TRAPPC9: variants seen among roughly 807,000 people sequenced by gnomAD.
TRAPPC9 encodes the protein trafficking protein particle complex subunit 9.
In TRAPPC9, 83 loss-of-function variants were observed where a neutral mutation model predicts 124.0. That is an observed-to-expected ratio of 0.67 (90% CI 0.56 to 0.80). The LOEUF (loss-of-function observed/expected upper bound fraction) is 0.80, where lower values mean the gene tolerates loss of function less well. TRAPPC9 is among the 30% of genes least tolerant of loss of function. TRAPPC9 has a pLI of 0.00. For missense variants in TRAPPC9, 1,302 were observed against 1,508.3 expected, an observed-to-expected ratio of 0.86 and a Z score of 2.27; for synonymous variants, 638 against 617.5, an observed-to-expected ratio of 1.03 and a Z score of -0.49.
At chr8:140,207,948 T>C (rs1293408711) in intron 17 of TRAPPC9, among the ~76,000 whole-genome samples, 1 of 152,048 alleles carries the variant, frequency 6.6e-6, no homozygotes, top group Admixed American at 6.5e-5. Flanking sequence ...GGTCAGGAGT[T>C]TGAGACCATC....
chr8:140,457,666 G>T lies in TRAPPC9; in HGVS notation c.-38C>A, dbSNP rs989976840. On this transcript the variant is annotated 5_prime_UTR_variant, in exon 1 of 23. Transcript: ENST00000438773. ...AGCCGGTGGCCCCGGGCCCGGAGCG[G>T]GAGCCCACGACCTGGCGGGCAGCGG... 3.0e-6 allele frequency: 3 copies of T among 986,508 alleles called. No individual in the cohort carries two copies. The highest frequency in any genetic ancestry group is 4.7e-5 in the South Asian group (1 of 21,480). 61.1% of individuals were successfully genotyped at this position (986,508 alleles called of 1,614,324 possible).
At chr8:140,292,694 C>T (rs62527547) in intron 11 of TRAPPC9, among the ~76,000 whole-genome samples, 6 of 151,506 alleles carry the variant, frequency 4.0e-5, no homozygotes, top group Non-Finnish European at 7.4e-5. Context: ...CCCTTCCTTA[C>T]ACCTTATACA....
At chr8:139,785,131 GGACAAATGATGTTT>G (rs536713453) in intron 21 of TRAPPC9, among the ~76,000 whole-genome samples, 2 of 152,152 alleles carry the variant, frequency 1.3e-5, no homozygotes, top group Non-Finnish European at 2.9e-5. Flanking sequence ...GCACATATAC[GGACAAATGATGTTT>G]GACAAATATG....
intron 19 of TRAPPC9, among the ~76,000 whole-genome samples, chr8:139,967,149 TTGAC>T: frequency 6.6e-6 from 1 of 152,276 alleles, no homozygotes; most frequent in South Asian, 2.1e-4. Flanking sequence ...CATGACTTGT[TTGAC>T]TGAGAGCATA....
At chr8:140,346,071 T>A (rs1771970779) in intron 9 of TRAPPC9, among the ~76,000 whole-genome samples, 1 of 152,176 alleles carries the variant, frequency 6.6e-6, no homozygotes, top group Non-Finnish European at 1.5e-5. Flanking sequence ...CACATCCTAG[T>A]GTTCAAAGCC....
At chr8:140,228,374 A>G (rs1031443707) in intron 16 of TRAPPC9, among the ~76,000 whole-genome samples, 1 of 152,246 alleles carries the variant, frequency 6.6e-6, no homozygotes, top group Non-Finnish European at 1.5e-5. Context: ...ATCCTCAAGA[A>G]AACCAAAGCA....
intron 17 of TRAPPC9, among the ~76,000 whole-genome samples, chr8:140,151,019 A>G (rs535154181): frequency 6.6e-6 from 1 of 152,318 alleles, no homozygotes; most frequent in African/African-American, 2.4e-5. Context: ...GATGACATTT[A>G]GCTAACAGAG....
At chr8:140,324,006 T>C (rs1568607) in intron 9 of TRAPPC9, among the ~76,000 whole-genome samples, 86,250 of 152,004 alleles carry the variant, frequency 0.57, 24,546 homozygotes, top group East Asian at 0.65. Context: ...CCTAGCGATA[T>C]ACGCTGTACC....
intron 21 of TRAPPC9, among the ~76,000 whole-genome samples, chr8:139,801,609 T>TGG (rs1276724306): frequency 6.6e-6 from 1 of 151,652 alleles, no homozygotes; most frequent in African/African-American, 2.4e-5. Flanking sequence ...GATGCGAAAG[T>TGG]GGGGGGTGGG....
At chr8:139,880,588 T>C (rs910861934) in intron 21 of TRAPPC9, among the ~76,000 whole-genome samples, 9 of 152,022 alleles carry the variant, frequency 5.9e-5, no homozygotes, top group African/African-American at 2.2e-4. Context: ...ACCTTGGAAA[T>C]CCAAGTTCCA....
At chr8:140,251,107 C>T (rs1223613288) in intron 16 of TRAPPC9, among the ~76,000 whole-genome samples, 1 of 152,202 alleles carries the variant, frequency 6.6e-6, no homozygotes, top group Non-Finnish European at 1.5e-5. Context: ...AAGCCTTCCA[C>T]ACTGTTCCTC....
chr8:140,272,425 G>GGTGATGGTA (rs796609561), intron 15 of TRAPPC9, among the ~76,000 whole-genome samples: 12 of 150,868 alleles, frequency 8.0e-5, no homozygotes, highest in African/African-American at 2.5e-4. Flanking sequence ...TGGTGATGGT[G>GGTGATGGTA]GTGATGGTAG....
chr8:140,301,921 T>C (rs1232844911), intron 10 of TRAPPC9, among the ~76,000 whole-genome samples: 2 of 152,248 alleles, frequency 1.3e-5, no homozygotes, highest in Non-Finnish European at 2.9e-5. Flanking sequence ...AGAGCTCAGC[T>C]GCCCTGGAGA....
intron 21 of TRAPPC9, among the ~76,000 whole-genome samples, chr8:139,760,584 C>CGAAG (rs1182091276): frequency 6.6e-6 from 1 of 152,216 alleles, no homozygotes; most frequent in African/African-American, 2.4e-5. Context: ...GAGAATCCTA[C>CGAAG]GAAGTCGGTT....
At chr8:140,198,922 G>A (rs548187059) in intron 17 of TRAPPC9, among the ~76,000 whole-genome samples, 8 of 152,290 alleles carry the variant, frequency 5.3e-5, no homozygotes, top group Non-Finnish European at 1.0e-4. Flanking sequence ...TACAGTGCTT[G>A]CAATGAAGGA....
intron 9 of TRAPPC9, among the ~76,000 whole-genome samples, chr8:140,351,991 C>T (rs937785196): frequency 2.0e-5 from 3 of 152,220 alleles, no homozygotes; most frequent in South Asian, 4.1e-4. Context: ...ACCTTCACCG[C>T]CTCAACCCCA....
intron 1 of TRAPPC9, among the ~76,000 whole-genome samples, chr8:140,455,752 C>T (rs1280788821): frequency 6.6e-6 from 1 of 152,114 alleles, no homozygotes; most frequent in Non-Finnish European, 1.5e-5. Context: ...TTCTTAATAG[C>T]TAAGGAGTGA....
At chr8:139,915,149 G>GGGTGGC (rs138895252) in intron 19 of TRAPPC9, among the ~76,000 whole-genome samples, 1 of 152,040 alleles carries the variant, frequency 6.6e-6, no homozygotes, top group East Asian at 1.9e-4. Context: ...GGCTCCTGGA[G>GGGTGGC]GGTGGCGGTG....
chr8:139,854,085 T>G (rs867498454), intron 21 of TRAPPC9, among the ~76,000 whole-genome samples: 14 of 152,324 alleles, frequency 9.2e-5, no homozygotes, highest in Middle Eastern at 6.8e-3. Context: ...TTAACACATC[T>G]GACCACGTTT....
Sources: allele counts gnomAD v4.1 joint callset (sites outside exome capture counted in the v4.1 genomes callset), GRCh38; gene constraint gnomAD v4.1.1; transcripts MANE v1.5; gene names NCBI Gene and HGNC (gene_info 2026-07-23, HGNC 2026-07-21).